TESC: variants seen among roughly 807,000 people sequenced by gnomAD.
The protein encoded by TESC is tescalcin.
Under a neutral mutation model 31.0 loss-of-function variants are expected in TESC, and 19 were observed. The observed-to-expected ratio is 0.61, with a 90% CI of 0.43 to 0.90. The LOEUF is 0.90. Ranked by LOEUF, TESC falls within the 40% of genes least tolerant of loss-of-function variation. TESC has a pLI of 0.00. For missense variants in TESC, 248 were observed against 303.8 expected (o/e 0.82, Z 1.36); for synonymous variants, 109 against 114.8 (o/e 0.95, Z 0.32).
Position 117,043,929 on chromosome 12 carries a change from C to T in TESC, c.520-1935G>A, listed in dbSNP as rs572594195. 3.9e-5 allele frequency among the ~76,000 whole-genome samples: 6 copies of T among 152,140 alleles called. No individual in the cohort carries two copies. The East Asian group carries it at 9.7e-4, about 25-fold the overall frequency. On this transcript the variant is annotated intron_variant, in intron 6 of 7. Coordinates refer to ENST00000335209, the MANE Select transcript of TESC (RefSeq NM_017899.4). The stretch of plus-strand genomic sequence containing the variant: ...GTTTCTACTGGCAGGACTTTGCAGG[C>T]TCTTTAGTTTCCTCTTTATACTTAA...
intron 1 of TESC, among the ~76,000 whole-genome samples, chr12:117,080,449 T>C (rs950582837): frequency 6.6e-5 from 10 of 151,748 alleles, no homozygotes; most frequent in African/African-American, 2.4e-4. Context: ...GCCTGGGTGA[T>C]GGAAAAAAAA....
chr12:117,075,926 TATATATATATATATGTATATATAC>T (rs1565971722), intron 1 of TESC, among the ~76,000 whole-genome samples: 1 of 102,684 alleles, frequency 9.7e-6, no homozygotes, highest in Non-Finnish European at 1.8e-5. Context: ...TGTGTGTGTA[TATATATATATATATGTATATATAC>T]ATATATATAT....
At chr12:117,078,027 A>T (rs955360172) in intron 1 of TESC, among the ~76,000 whole-genome samples, 8 of 152,244 alleles carry the variant, frequency 5.3e-5, no homozygotes, top group African/African-American at 1.9e-4. Context: ...AATGAATAAA[A>T]ATTTTTTAAA....
rs188492372 is a variant in TESC, at chr12:117,046,114, C to T, written c.519+445G>A. 2.4e-3 allele frequency among the ~76,000 whole-genome samples: 369 copies of T among 152,324 alleles called. 3 individuals carry two copies. The highest frequency in any genetic ancestry group is 8.5e-3 in the African/African-American group (353 of 41,570). On this transcript the variant is annotated intron_variant, in intron 6 of 7. Coordinates refer to ENST00000335209, the MANE Select transcript of TESC (RefSeq NM_017899.4). ...GCTCCTCCACCGGACTCCATGCCAT[C>T]GGCTCTTGTCAGCCCCCAATAGGGC... is the stretch of plus-strand genomic sequence containing the variant.
At chr12:117,051,425 C>T (rs1183531527) in intron 3 of TESC, among the ~76,000 whole-genome samples, 1 of 152,120 alleles carries the variant, frequency 6.6e-6, no homozygotes, top group Non-Finnish European at 1.5e-5. Context: ...ATCTGTCCTT[C>T]CCTGGGCTCA....
chr12:117,059,084 G>A (rs1001342143), intron 2 of TESC, among the ~76,000 whole-genome samples: 1 of 152,232 alleles, frequency 6.6e-6, no homozygotes, highest in Non-Finnish European at 1.5e-5. Flanking sequence ...TCAGCCCACT[G>A]AAAATGAGGA....
chr12:117,050,598 G>A (rs1336299535), intron 3 of TESC, among the ~76,000 whole-genome samples: 1 of 152,228 alleles, frequency 6.6e-6, no homozygotes, highest in Non-Finnish European at 1.5e-5. Context: ...CCAGATGAGG[G>A]ACTCAGAAAT....
chr12:117,099,253 C>T lies in TESC; in HGVS notation c.30G>A (p.Glu10=). ...CGGTCTTGCCCTCGAGCTCCCGCAC[C>T]TCCTCAGACGCGGAGTGGGCAGCGC... The part of the protein sequence containing the change: MGAAHSASE[E]VRELEGKTGF... Residue 10 remains glutamate (E), a synonymous_variant, in exon 1 of 8, where the codon GAG becomes GAA. Coordinates refer to ENST00000335209, the MANE Select transcript of TESC (RefSeq NM_017899.4). The T allele has an allele frequency of 6.8e-7, 1 of 1,474,124 alleles. No individual in the cohort carries two copies. The highest frequency in any genetic ancestry group is 8.9e-7 in the Non-Finnish European group (1 of 1,120,558). The allele number at this position is 1,474,124 out of a possible 1,614,324, so 91.3% of individuals were successfully genotyped here. A position where few individuals can be genotyped will look rare whatever the true frequency, so the allele number is the denominator to read the frequency against.
intron 3 of TESC, chr12:117,054,119 G>A (rs55969361): frequency 0.36 from 54,986 of 151,898 alleles, 10,823 homozygotes; most frequent in African/African-American, 0.52. Context: ...CCCAACTCCC[G>A]GATCCAACCC....
In TESC at chr12:117,067,392, G is replaced by A. The variant is rs540931965; in HGVS notation, c.128+7879C>T. Among the ~76,000 whole-genome samples, 323 of 152,062 alleles carry A rather than the reference G, an allele frequency of 2.1e-3. 1 individual carries two copies. Among genetic ancestry groups the A allele is most frequent in the African/African-American group, 7.5e-3 (313 of 41,474 alleles). ...CAGCCTGGGCAACCTAGCAAGACTC[G>A]CATCTCTACAAAAAAATTTTTTTTT... is the stretch of plus-strand genomic sequence containing the variant. On this transcript the variant is annotated intron_variant, in intron 2 of 7. Coordinates refer to ENST00000335209, the MANE Select transcript of TESC (RefSeq NM_017899.4).
At chr12:117,080,555 G>A (rs992258095) in intron 1 of TESC, among the ~76,000 whole-genome samples, 1 of 152,180 alleles carries the variant, frequency 6.6e-6, no homozygotes, top group African/African-American at 2.4e-5. Flanking sequence ...CCACCTCTGG[G>A]GCCCTCTTTT....
chr12:117,072,794 A>C (rs1030834338), intron 2 of TESC, among the ~76,000 whole-genome samples: 4 of 152,086 alleles, frequency 2.6e-5, no homozygotes, highest in Admixed American at 1.3e-4. Context: ...TGAACTTTTT[A>C]AGAGACAGGG....
intron 1 of TESC, among the ~76,000 whole-genome samples, chr12:117,095,492 G>A (rs558534002): frequency 4.3e-4 from 66 of 152,328 alleles, no homozygotes; most frequent in African/African-American, 1.4e-3. Flanking sequence ...GCCTGAAGGT[G>A]AGAAAAAATA....
At chr12:117,049,300 A>C in intron 3 of TESC, 142 bp from the exon 4 acceptor site, 1 of 1,237,162 alleles carries the variant, frequency 8.1e-7, no homozygotes, top group Non-Finnish European at 1.1e-6. Context: ...CTGTGCCCCA[A>C]GAACCTGCTT....
chr12:117,040,866 C>G (rs1432317900), intron 7 of TESC, among the ~76,000 whole-genome samples: 2 of 152,214 alleles, frequency 1.3e-5, no homozygotes, highest in Non-Finnish European at 2.9e-5. Flanking sequence ...GCCCAGTCCC[C>G]CAGTCCTGCT....
chr12:117,092,248 A>G (rs765798051), intron 1 of TESC, among the ~76,000 whole-genome samples: 1 of 152,176 alleles, frequency 6.6e-6, no homozygotes, highest in Non-Finnish European at 1.5e-5. Context: ...GAGACATCTG[A>G]GCGAAGTGGC....
intron 3 of TESC, among the ~76,000 whole-genome samples, 177 bp downstream of exon 3, chr12:117,056,629 T>C (rs912180606): frequency 1.3e-5 from 2 of 152,186 alleles, no homozygotes; most frequent in African/African-American, 4.8e-5. Flanking sequence ...AGCAGCCCAG[T>C]CGCCCAGCTA....
chr12:117,065,000 G>A (rs1954855446), intron 2 of TESC, among the ~76,000 whole-genome samples: 1 of 152,240 alleles, frequency 6.6e-6, no homozygotes, highest in African/African-American at 2.4e-5. Context: ...CCTGGGGTGG[G>A]GAACAAAGAA....
At chr12:117,074,179 G>T (rs1955018389) in intron 2 of TESC, among the ~76,000 whole-genome samples, 1 of 152,062 alleles carries the variant, frequency 6.6e-6, no homozygotes, top group Non-Finnish European at 1.5e-5. Flanking sequence ...GAGCAACATA[G>T]CAAGACCCTG....
Sources: allele counts gnomAD v4.1 joint callset (sites outside exome capture counted in the v4.1 genomes callset), GRCh38; gene constraint gnomAD v4.1.1; transcripts MANE v1.5; gene names NCBI Gene and HGNC (gene_info 2026-07-23, HGNC 2026-07-21).